Variants in TLN2 observed in about 807,000 individuals in gnomAD.
The protein encoded by TLN2 is talin 2.
A neutral mutation model predicts 294.7 loss-of-function variants in TLN2; 118 were observed. That is an observed-to-expected ratio of 0.40 (90% CI 0.34 to 0.47). The LOEUF is 0.47. Among genes scored for constraint, TLN2 ranks in the 20% least tolerant of loss-of-function variants. The pLI is 0.84. For missense variants in TLN2, 3,083 were observed against 3,282.2 expected, an observed-to-expected ratio of 0.94 and a Z score of 1.48; for synonymous variants, 1,431 against 1,304.5, an observed-to-expected ratio of 1.10 and a Z score of -2.09.
intron 1 of TLN2, among the ~76,000 whole-genome samples, chr15:62,501,991 T>G (rs1038141100): frequency 1.3e-5 from 2 of 152,178 alleles, no homozygotes; most frequent in African/African-American, 4.8e-5. Context: ...TGGATACCAC[T>G]GCATGTGATA....
chr15:62,601,817 CTTTA>C (rs935906255), intron 2 of TLN2, among the ~76,000 whole-genome samples: 4 of 152,192 alleles, frequency 2.6e-5, no homozygotes, highest in African/African-American at 9.6e-5. Flanking sequence ...ATCACTGAGA[CTTTA>C]TTTCTTTTTT....
At chr15:62,785,427 C>T (rs542062692) in intron 45 of TLN2, among the ~76,000 whole-genome samples, 22 of 152,038 alleles carry the variant, frequency 1.4e-4, no homozygotes, top group Non-Finnish European at 2.9e-4. Context: ...TTTGGGAGGC[C>T]GAGGTGGACA....
At chr15:62,812,063 C>A (rs927177083) in intron 52 of TLN2, among the ~76,000 whole-genome samples, 7 of 122,636 alleles carry the variant, frequency 5.7e-5, no homozygotes, top group Non-Finnish European at 8.7e-5. Flanking sequence ...ATAAAATCTG[C>A]CACTGGGAAG....
At position 62,738,416 on chromosome 15, in the gene TLN2, A is replaced by G; in HGVS notation, c.3687+83A>G. 1.4e-5 allele frequency: 21 copies of G among 1,466,294 alleles called. No individual in the cohort carries two copies. In the South Asian group the frequency reaches 2.7e-4, roughly 19 times the overall value. The allele number at this position is 1,466,294 out of a possible 1,614,324, so 90.8% of individuals were successfully genotyped here. A position where few individuals can be genotyped will look rare whatever the true frequency, so the allele number is the denominator to read the frequency against. On this transcript the variant is annotated intron_variant, in intron 30 of 58. Coordinates refer to ENST00000636159, the MANE Select transcript of TLN2 (RefSeq NM_015059.3). The stretch of plus-strand genomic sequence containing the variant: ...AGTGAAGTCTTCTTCTCTCCATGAG[A>G]TCTCTGAGCAGCTAACCCTTCCTTT...
At chr15:62,655,500 C>T (rs1300888229) in intron 7 of TLN2, among the ~76,000 whole-genome samples, 1 of 152,148 alleles carries the variant, frequency 6.6e-6, no homozygotes, top group Non-Finnish European at 1.5e-5. Flanking sequence ...ATGCTCATAG[C>T]CTCAAGATCA....
At chr15:62,779,539 C>T (rs1167554045) in intron 43 of TLN2, among the ~76,000 whole-genome samples, 6 of 152,220 alleles carry the variant, frequency 3.9e-5, no homozygotes, top group Admixed American at 3.9e-4. Flanking sequence ...TCTTTCTTTT[C>T]CCATTGTCCT....
Position 62,739,431 on chromosome 15 carries a change from A to G in TLN2, c.3771A>G (p.Glu1257=). The G allele has an allele frequency of 6.2e-7, 1 of 1,614,142 alleles. No homozygotes were observed. Among genetic ancestry groups the G allele is most frequent in the Non-Finnish European group, 8.5e-7 (1 of 1,180,008 alleles). Residue 1257 remains glutamate (E), a synonymous_variant, in exon 31 of 59, where the codon GAA becomes GAG. Transcript: ENST00000636159. ...CTGATCTGAACCAGTCTGCTGGGGA[A>G]GTGGTCCATGCCACCCGGGGCCAGA... is the stretch of plus-strand genomic sequence containing the variant. The part of the protein sequence containing the change: ...AAADLNQSAG[E]VVHATRGQSG...
chr15:62,410,871 G>A (rs1167102963), intron 1 of TLN2, among the ~76,000 whole-genome samples: 2 of 152,190 alleles, frequency 1.3e-5, no homozygotes, highest in African/African-American at 4.8e-5. Context: ...CTGACTCCTA[G>A]GCCAGTGCCC....
At chr15:62,669,099 G>C (rs542746620) in intron 9 of TLN2, among the ~76,000 whole-genome samples, 23 of 152,320 alleles carry the variant, frequency 1.5e-4, no homozygotes, top group African/African-American at 5.3e-4. Context: ...AGACAACCAT[G>C]AAGCAATCTG....
In TLN2 at chr15:62,716,331, G is replaced by T; in HGVS notation, c.2635G>T (p.Gly879Trp). 1 of 1,591,450 alleles carries T rather than the reference G, an allele frequency of 6.3e-7. No individual in the cohort carries two copies. ...GAAATCTTTATTTTTGCCTTTGCAG[G>T]GGGCTGCAGCCAACCCAGAGAATGA... ...STARMVEAAK[G>W]AAANPENEDQ... The change falls in exon 23 of 59, where the codon GGG (glycine) becomes TGG (tryptophan). Residue 879 changes from glycine to tryptophan, a missense_variant and splice_region_variant. Gly to Trp is a radical substitution (Grantham distance 184, BLOSUM62 -2). Transcript: ENST00000636159.
In TLN2 at chr15:62,820,517, T is replaced by A; in HGVS notation, c.6909T>A (p.Thr2303=). The part of the protein sequence containing the change: ...GTEWVDPEDP[T]VIAETELLGA... ...AGTGGGTGGATCCAGAAGACCCAAC[T>A]GTCATTGCAGAAACAGAGTTACTGG... Residue 2303 remains threonine (T), a synonymous_variant, in exon 54 of 59, where the codon ACT becomes ACA. Coordinates refer to ENST00000636159, the MANE Select transcript of TLN2 (RefSeq NM_015059.3). 2 of 1,613,862 alleles carry A rather than the reference T, an allele frequency of 1.2e-6. No homozygotes were observed. The highest frequency in any genetic ancestry group is 1.7e-6 in the Non-Finnish European group (2 of 1,179,868).
intron 22 of TLN2, among the ~76,000 whole-genome samples, chr15:62,715,025 A>G (rs999046908): frequency 6.6e-6 from 1 of 152,256 alleles, no homozygotes; most frequent in African/African-American, 2.4e-5. Context: ...TAAACTTGCA[A>G]AAGAATCCAA....
At chr15:62,500,031 T>C (rs1391455716) in intron 1 of TLN2, among the ~76,000 whole-genome samples, 4 of 151,960 alleles carry the variant, frequency 2.6e-5, no homozygotes, top group Non-Finnish European at 4.4e-5. Flanking sequence ...CGTTGGTGGT[T>C]TTCTCTTGTT....
chr15:62,742,146 A>C (rs1029539505), intron 32 of TLN2, among the ~76,000 whole-genome samples: 6 of 151,762 alleles, frequency 4.0e-5, no homozygotes, highest in African/African-American at 1.5e-4. Flanking sequence ...TGGAAGGTAC[A>C]TTTTAACTGC....
chr15:62,472,045 G>A (rs962895578), intron 1 of TLN2, among the ~76,000 whole-genome samples: 7 of 152,112 alleles, frequency 4.6e-5, no homozygotes, highest in Admixed American at 6.5e-5. Flanking sequence ...TAGGAGGCCC[G>A]TCAGACTTAG....
At chr15:62,404,499 CCT>C (rs1159738962) in intron 1 of TLN2, among the ~76,000 whole-genome samples, 1 of 152,054 alleles carries the variant, frequency 6.6e-6, no homozygotes, top group Non-Finnish European at 1.5e-5. Context: ...TTCAGTGGGC[CCT>C]CTCTGCGCTG....
intron 43 of TLN2, among the ~76,000 whole-genome samples, chr15:62,779,399 C>T (rs956953707): frequency 5.3e-5 from 8 of 152,168 alleles, no homozygotes; most frequent in Non-Finnish European, 7.3e-5. Context: ...AAAAACTGTG[C>T]CATCTACATC....
chr15:62,436,666 T>C (rs1417565181), intron 1 of TLN2, among the ~76,000 whole-genome samples: 1 of 152,194 alleles, frequency 6.6e-6, no homozygotes, highest in African/African-American at 2.4e-5. Context: ...GTTGTTTGAA[T>C]TGTTGAAGAG....
rs541059114 is a variant in TLN2, at chr15:62,655,835, C to G, written c.518-109C>G. 1.6e-5 allele frequency: 19 copies of G among 1,202,236 alleles called. No homozygotes were observed. In the South Asian group the frequency reaches 1.7e-4, roughly 11 times the overall value. The allele number at this position is 1,202,236 out of a possible 1,614,324, so 74.5% of individuals were successfully genotyped here. A position where few individuals can be genotyped will look rare whatever the true frequency, so the allele number is the denominator to read the frequency against. On this transcript the variant is annotated intron_variant, in intron 7 of 58. Transcript: ENST00000636159. ...TAAGAAATAACTATAACTACTATAACTAAGTATCAGAGATACAGAAATCTG... is the reference window on the plus strand; with the variant it reads ...TAAGAAATAACTATAACTACTATAAGTAAGTATCAGAGATACAGAAATCTG...
Sources: gnomAD v4.1 joint callset for allele counts (sites outside exome capture counted in the v4.1 genomes callset) on GRCh38, gnomAD v4.1.1 for gene constraint, MANE v1.5 for transcripts, NCBI Gene and HGNC (gene_info 2026-07-23, HGNC 2026-07-21) for gene names.